EYS: variants seen among roughly 807,000 people sequenced by gnomAD.
EYS encodes the protein protein eyes shut homolog.
In EYS, 250 loss-of-function variants were observed where a neutral mutation model predicts 282.1. The ratio of observed to expected loss-of-function variants is 0.89; its 90% CI spans 0.80 to 0.98. The LOEUF (loss-of-function observed/expected upper bound fraction) is 0.98. EYS is among the 50% of genes least tolerant of loss of function. The pLI is 0.00. For missense variants in EYS, 4,016 were observed against 3,709.0 expected (o/e 1.08, Z -2.15); for synonymous variants, 1,355 against 1,282.9 (o/e 1.06, Z -1.20).
intron 30 of EYS, among the ~76,000 whole-genome samples, chr6:64,299,840 T>A (rs907428972): frequency 2.0e-5 from 3 of 152,090 alleles, no homozygotes; most frequent in African/African-American, 7.2e-5. Flanking sequence ...CCCAGTATCA[T>A]CTCTAACACT....
intron 19 of EYS, among the ~76,000 whole-genome samples, chr6:64,824,024 T>C (rs1166548584): frequency 6.6e-6 from 1 of 151,794 alleles, no homozygotes; most frequent in Non-Finnish European, 1.5e-5. Context: ...ATTTCAGAGG[T>C]TCATGACATA....
intron 30 of EYS, among the ~76,000 whole-genome samples, chr6:64,292,503 G>A (rs1291765288): frequency 2.0e-5 from 3 of 152,064 alleles, no homozygotes; most frequent in African/African-American, 7.2e-5. Context: ...TATAGGGAGG[G>A]CACAGAAGTT....
intron 22 of EYS, among the ~76,000 whole-genome samples, chr6:64,640,712 A>C (rs1768113478): frequency 6.6e-6 from 1 of 152,206 alleles, no homozygotes; most frequent in African/African-American, 2.4e-5. Context: ...TAAAACTTAA[A>C]GTATAATAAT....
chr6:64,182,004 C>G (rs995895005), intron 31 of EYS, among the ~76,000 whole-genome samples: 2 of 152,078 alleles, frequency 1.3e-5, no homozygotes, highest in Admixed American at 1.3e-4. Flanking sequence ...GTTTCACTCA[C>G]TCATTGAGGA....
At chr6:64,844,543 T>C (rs1252138619) in intron 19 of EYS, among the ~76,000 whole-genome samples, 1 of 152,066 alleles carries the variant, frequency 6.6e-6, no homozygotes, top group East Asian at 1.9e-4. Context: ...GTAACATCTT[T>C]CTTCAATATT....
chr6:65,456,279 C>T (rs932418644), intron 5 of EYS, among the ~76,000 whole-genome samples: 7 of 151,724 alleles, frequency 4.6e-5, no homozygotes, highest in Non-Finnish European at 8.8e-5. Context: ...GGTGAAACCC[C>T]GTCTCTACTA....
At chr6:64,707,529 C>T (rs1330076561) in intron 22 of EYS, among the ~76,000 whole-genome samples, 4 of 151,960 alleles carry the variant, frequency 2.6e-5, no homozygotes, top group Non-Finnish European at 4.4e-5. Context: ...ATTAGCCGGG[C>T]GTGGTGGCGG....
intron 29 of EYS, among the ~76,000 whole-genome samples, chr6:64,329,569 C>G (rs900561246): frequency 6.6e-6 from 1 of 151,968 alleles, no homozygotes; most frequent in Non-Finnish European, 1.5e-5. Flanking sequence ...GACAATCCCC[C>G]GGGGCTAGCC....
intron 41 of EYS, among the ~76,000 whole-genome samples, chr6:63,746,196 T>C (rs1312279037): frequency 6.6e-6 from 1 of 152,228 alleles, no homozygotes; most frequent in Non-Finnish European, 1.5e-5. Context: ...GTGGTTTCTG[T>C]TATTGGTTCT....
intron 26 of EYS, among the ~76,000 whole-genome samples, chr6:64,570,207 A>G (rs765188380): frequency 1.9e-4 from 29 of 152,356 alleles, no homozygotes; most frequent in Middle Eastern, 3.4e-3. Flanking sequence ...TCACAAGTGA[A>G]GGAGAAATAA....
intron 2 of EYS, among the ~76,000 whole-genome samples, chr6:65,565,627 T>C (rs1278696029): frequency 6.6e-6 from 1 of 152,168 alleles, no homozygotes; most frequent in Admixed American, 6.5e-5. Context: ...TATATCATGC[T>C]ACTATAAAGA....
At chr6:64,160,258 C>T (rs1005176099) in intron 31 of EYS, among the ~76,000 whole-genome samples, 2 of 152,158 alleles carry the variant, frequency 1.3e-5, no homozygotes, top group Non-Finnish European at 2.9e-5. Context: ...TTCATAAGCA[C>T]ATTTATTAGA....
chr6:65,179,429 C>T lies in EYS; in HGVS notation c.2023+116434G>A, dbSNP rs544622470. On this transcript the variant is annotated intron_variant, in intron 12 of 42. Coordinates refer to ENST00000503581, the MANE Select transcript of EYS (RefSeq NM_001142800.2). The stretch of plus-strand genomic sequence containing the variant: ...AACTACCATCAGAGAATACTATAAA[C>T]ACCTCTGCGCAAATAAACTAGAAAA... Among the ~76,000 whole-genome samples, 67 of 152,218 alleles carry T rather than the reference C, an allele frequency of 4.4e-4. 1 individual carries two copies. In the East Asian group the frequency reaches 0.013, roughly 29 times the overall value.
intron 22 of EYS, among the ~76,000 whole-genome samples, chr6:64,644,267 C>A (rs1313521582): frequency 6.6e-6 from 1 of 152,070 alleles, no homozygotes; most frequent in Non-Finnish European, 1.5e-5. Context: ...AATGGAGCAT[C>A]CCAGTTTTAT....
chr6:63,786,223 A>G (rs1770357132), intron 39 of EYS: 1 of 150,396 alleles, frequency 6.6e-6, no homozygotes, highest in Non-Finnish European at 1.5e-5. Context: ...AAAAAAAAAA[A>G]GGTAAAGTAA....
chr6:65,668,601 C>A (rs1768277661), intron 1 of EYS, among the ~76,000 whole-genome samples: 1 of 151,828 alleles, frequency 6.6e-6, no homozygotes, highest in South Asian at 2.1e-4. Flanking sequence ...TACTTTAAAC[C>A]ACTGTTTTAC....
intron 2 of EYS, among the ~76,000 whole-genome samples, chr6:65,511,229 T>C (rs1013881919): frequency 3.3e-5 from 5 of 152,186 alleles, no homozygotes; most frequent in African/African-American, 9.6e-5. Flanking sequence ...TAATGGTATA[T>C]GCTTTTCATC....
intron 26 of EYS, among the ~76,000 whole-genome samples, chr6:64,499,677 C>T (rs1235727600): frequency 6.6e-6 from 1 of 151,940 alleles, no homozygotes; most frequent in African/African-American, 2.4e-5. Flanking sequence ...GCTCTTAGTA[C>T]CTCCTGCAAA....
chr6:63,943,997 C>A (rs993480216), intron 35 of EYS, among the ~76,000 whole-genome samples: 1 of 152,144 alleles, frequency 6.6e-6, no homozygotes, highest in Non-Finnish European at 1.5e-5. Context: ...ATGCCAACAG[C>A]CTTCTTTTCT....
Sources: gnomAD v4.1 joint callset for allele counts (sites outside exome capture counted in the v4.1 genomes callset) on GRCh38, gnomAD v4.1.1 for gene constraint, MANE v1.5 for transcripts, NCBI Gene and HGNC (gene_info 2026-07-23, HGNC 2026-07-21) for gene names.